The following QSOX1 variants were observed in gnomAD, a reference collection of about 807,000 sequenced individuals.
The protein encoded by QSOX1 is quiescin sulfhydryl oxidase 1.
A neutral mutation model predicts 76.1 loss-of-function variants in QSOX1; 40 were observed. The ratio of observed to expected loss-of-function variants is 0.53; its 90% CI spans 0.41 to 0.68. The LOEUF (loss-of-function observed/expected upper bound fraction) is 0.68, where lower values mean the gene tolerates loss of function less well. Among genes scored for constraint, QSOX1 ranks in the 30% least tolerant of loss-of-function variants. QSOX1 has a pLI of 0.00. For missense variants in QSOX1, 931 were observed against 974.3 expected (o/e 0.96, Z 0.59); for synonymous variants, 392 against 413.1 (o/e 0.95, Z 0.62).
chr1:180,196,653 G>T lies in QSOX1; in HGVS notation c.1860G>T (p.Glu620Asp). The T allele has an allele frequency of 6.2e-7, 1 of 1,614,174 alleles. No individual in the cohort carries two copies. The highest frequency in any genetic ancestry group is 1.3e-5 in the African/African-American group (1 of 75,070). Residue 620 changes from glutamate to aspartate, a missense_variant, in exon 12 of 12, where the codon GAG (glutamate) becomes GAT (aspartate). By Grantham distance (45) the Glu-to-Asp change is conservative (BLOSUM62 2). Coordinates refer to ENST00000367602, the MANE Select transcript of QSOX1 (RefSeq NM_002826.5). This position sits in a 1 kb window ranked among gnomAD's most constrained non-coding sequence, Gnocchi z 4.1. ...GCCTCAGAGCTGCACCAGGCCAGGA[G>T]CCTCCTGAGCACATGGCAGAGCTTC... is the stretch of plus-strand genomic sequence containing the variant. ...HPGLRAAPGQEPPEHMAELQR... is the reference protein window; with the variant it reads ...HPGLRAAPGQDPPEHMAELQR...
Position 180,195,678 on chromosome 1 carries a change from A to G in QSOX1, c.1469-584A>G, listed in dbSNP as rs911916129. Among the ~76,000 whole-genome samples, 3 of 151,900 alleles carry G rather than the reference A, an allele frequency of 2.0e-5. No homozygotes were observed. The East Asian group carries it at 5.8e-4, about 30-fold the overall frequency. On this transcript the variant is annotated intron_variant, in intron 11 of 11. Coordinates refer to ENST00000367602, the MANE Select transcript of QSOX1 (RefSeq NM_002826.5). ...CAAGTACCCCTCAGGTCTCCCCCCA[A>G]CTATCCCTTGGAGCCCACCCCTACC... is the stretch of plus-strand genomic sequence containing the variant.
rs150610810 is a variant in QSOX1 at position 180,189,821 on chromosome 1, A to T, written c.1140+147A>T. 1.6e-4 allele frequency: 135 copies of T among 855,076 alleles called. No homozygotes were observed. In the African/African-American group the frequency reaches 1.8e-3, roughly 12 times the overall value. 53.0% of individuals were successfully genotyped at this position (855,076 alleles called of 1,614,324 possible). On this transcript the variant is annotated intron_variant, in intron 9 of 11. Transcript: ENST00000367602. ...GGGTCCTAACAATAATCAATAAATG[A>T]CTATTGATTGAGCTCTCTATGCGCA...
At chr1:180,165,651 G>A (rs1662599074) in intron 1 of QSOX1, among the ~76,000 whole-genome samples, 1 of 152,188 alleles carries the variant, frequency 6.6e-6, no homozygotes, top group Admixed American at 6.5e-5. Flanking sequence ...GCCCTCTCAC[G>A]GCTTGTGTGT....
chr1:180,201,309 G>C lies in QSOX1; in HGVS notation c.*4272G>C, dbSNP rs1663634758. The C allele has an allele frequency of 6.6e-6, 1 of 152,134 alleles. No individual in the cohort carries two copies. Among genetic ancestry groups the C allele is most frequent in the Non-Finnish European group, 1.5e-5 (1 of 68,036 alleles). The allele number at this position is 152,134 out of a possible 1,614,324, so 9.4% of individuals were successfully genotyped here. On this transcript the variant is annotated 3_prime_UTR_variant, in exon 12 of 12. Transcript: ENST00000367602. Reference sequence around the variant, plus strand: ...ATAGAATCCCGGGCCAGGTGTGAGAGGGGAGAGCTCACTCACACCAGCCTG... The same window carrying C: ...ATAGAATCCCGGGCCAGGTGTGAGACGGGAGAGCTCACTCACACCAGCCTG...
intron 7 of QSOX1, 89 bp downstream of exon 7, chr1:180,184,139 T>C: frequency 6.8e-7 from 1 of 1,480,446 alleles, no homozygotes; most frequent in South Asian, 1.2e-5. Context: ...TTGCTCATTC[T>C]TCTTCCTTGT....
chr1:180,154,873 G>A lies in QSOX1; in HGVS notation c.-35G>A. The A allele has an allele frequency of 7.4e-7, 1 of 1,354,164 alleles. No homozygotes were observed. The highest frequency in any genetic ancestry group is 3.1e-5 in the East Asian group (1 of 32,074). 83.9% of individuals were successfully genotyped at this position (1,354,164 alleles called of 1,614,324 possible). A position where few individuals can be genotyped will look rare whatever the true frequency, so the allele number is the denominator to read the frequency against. On this transcript the variant is annotated 5_prime_UTR_variant, in exon 1 of 12. Transcript: ENST00000367602. ...CGCGGCGCCGGGACCCGACTCATCC[G>A]GTGCTTGCGTGTGGTGGTGAGCGCA...
At position 180,198,173 on chromosome 1, in the gene QSOX1, T is replaced by C. The variant is rs1259778259; in HGVS notation, c.*1136T>C. On this transcript the variant is annotated 3_prime_UTR_variant, in exon 12 of 12. Coordinates refer to ENST00000367602, the MANE Select transcript of QSOX1 (RefSeq NM_002826.5). ...ACAGCTCCTGGCCACAGACTGCCCA[T>C]AGAACTGTCTGCACCCAAACCCCAT... is the stretch of plus-strand genomic sequence containing the variant. 2.2e-6 allele frequency: 1 copy of C among 456,682 alleles called. No homozygotes were observed. The highest frequency in any genetic ancestry group is 4.4e-6 in the Non-Finnish European group (1 of 226,958). 28.3% of individuals were successfully genotyped at this position (456,682 alleles called of 1,614,324 possible).
At chr1:180,166,030 A>G (rs1338978250) in intron 1 of QSOX1, among the ~76,000 whole-genome samples, 4 of 151,996 alleles carry the variant, frequency 2.6e-5, no homozygotes, top group South Asian at 4.1e-4. Context: ...GCCCCAGGAA[A>G]CTTCCCTAAG....
chr1:180,181,641 A>C (rs1321869909), intron 5 of QSOX1, among the ~76,000 whole-genome samples: 2 of 152,194 alleles, frequency 1.3e-5, no homozygotes, highest in African/African-American at 4.8e-5. Context: ...AAGCTTCCAT[A>C]AGGAAGACTG....
chr1:180,181,680 A>G (rs1663040362), intron 5 of QSOX1, among the ~76,000 whole-genome samples: 1 of 152,220 alleles, frequency 6.6e-6, no homozygotes, highest in Non-Finnish European at 1.5e-5. Flanking sequence ...GATATTTCAA[A>G]CAAACAATAA....
At chr1:180,160,134 T>C (rs1662462251) in intron 1 of QSOX1, among the ~76,000 whole-genome samples, 1 of 152,130 alleles carries the variant, frequency 6.6e-6, no homozygotes, top group South Asian at 2.1e-4. Context: ...CTCCCCAGGA[T>C]AATACTAAGA....
At chr1:180,189,784 G>C (rs1333878354) in intron 9 of QSOX1, 110 bp downstream of exon 9, 1 of 1,292,254 alleles carries the variant, frequency 7.7e-7, no homozygotes, top group Non-Finnish European at 1.1e-6. Flanking sequence ...CAGGGAGTCA[G>C]TGATCTTCGT....
chr1:180,193,653 GT>G (rs1438242857), intron 10 of QSOX1, among the ~76,000 whole-genome samples: 1 of 125,726 alleles, frequency 8.0e-6, no homozygotes, highest in Non-Finnish European at 1.6e-5. Flanking sequence ...AGTGGGGCTG[GT>G]TAACAGGTCT....
intron 6 of QSOX1, among the ~76,000 whole-genome samples, chr1:180,183,265 G>C (rs956026447): frequency 2.6e-5 from 4 of 152,122 alleles, no homozygotes; most frequent in Non-Finnish European, 5.9e-5. Flanking sequence ...GCTGCTGCTG[G>C]ACCCGGCGTC....
At chr1:180,183,146 T>G (rs1479537247) in intron 6 of QSOX1, among the ~76,000 whole-genome samples, 2 of 151,512 alleles carry the variant, frequency 1.3e-5, no homozygotes, top group Non-Finnish European at 2.9e-5. Context: ...AGGGGAAAAT[T>G]GTTTGTGACG....
intron 8 of QSOX1, among the ~76,000 whole-genome samples, chr1:180,188,573 A>C (rs1014878753): frequency 2.0e-5 from 3 of 152,248 alleles, no homozygotes; most frequent in Admixed American, 1.3e-4. Flanking sequence ...GCACGTGTCA[A>C]AGCGTGGTCT....
At chr1:180,189,988 G>C (rs1663270198) in intron 9 of QSOX1, among the ~76,000 whole-genome samples, 1 of 152,224 alleles carries the variant, frequency 6.6e-6, no homozygotes. Context: ...TGAAAACTTG[G>C]TGAGACCCCA....
In QSOX1 at chr1:180,203,918, A is replaced by G. The variant is rs1379502193; in HGVS notation, c.*6881A>G. On this transcript the variant is annotated 3_prime_UTR_variant, in exon 12 of 12. Transcript: ENST00000367602. ...GGGCTGTCCAATTACTGAATCATACATAAAAGCCAAGTAAGATTTTAAAAT... is the reference window on the plus strand; with the variant it reads ...GGGCTGTCCAATTACTGAATCATACGTAAAAGCCAAGTAAGATTTTAAAAT... The G allele has an allele frequency of 1.3e-5, 2 of 152,250 alleles. No homozygotes were observed. The highest frequency in any genetic ancestry group is 2.9e-5 in the Non-Finnish European group (2 of 68,044). The allele number at this position is 152,250 out of a possible 1,614,324, so 9.4% of individuals were successfully genotyped here.
rs796597953 is a variant in QSOX1 at position 180,203,237 on chromosome 1, G to A, written c.*6200G>A. 1.3e-5 allele frequency: 2 copies of A among 152,210 alleles called. No individual in the cohort carries two copies. Among genetic ancestry groups the A allele is most frequent in the African/African-American group, 4.8e-5 (2 of 41,510 alleles). The allele number at this position is 152,210 out of a possible 1,614,324, so 9.4% of individuals were successfully genotyped here. The stretch of plus-strand genomic sequence containing the variant: ...TGACCTGATAAAATGTCCCAAGAAG[G>A]ACACATTTTTATAAACATAAGTTAC... On this transcript the variant is annotated 3_prime_UTR_variant, in exon 12 of 12. Coordinates refer to ENST00000367602, the MANE Select transcript of QSOX1 (RefSeq NM_002826.5).
Sources: allele counts gnomAD v4.1 joint callset (sites outside exome capture counted in the v4.1 genomes callset), GRCh38; gene constraint gnomAD v4.1.1; non-coding constraint Gnocchi (gnomAD v3.1); transcripts MANE v1.5; gene names NCBI Gene and HGNC (gene_info 2026-07-23, HGNC 2026-07-21).